EPB41L4A: variants seen among roughly 807,000 people sequenced by gnomAD.
EPB41L4A encodes erythrocyte membrane protein band 4.1 like 4A.
Under a neutral mutation model 108.6 loss-of-function variants are expected in EPB41L4A, and 100 were observed. The observed-to-expected ratio is 0.92, with a 90% CI of 0.78 to 1.09. EPB41L4A has a LOEUF of 1.09. EPB41L4A is among the 50% of genes least tolerant of loss of function. The pLI is 0.00. For missense variants in EPB41L4A, 1,030 were observed against 842.7 expected (o/e 1.22, Z -2.75); for synonymous variants, 319 against 289.0 (o/e 1.10, Z -1.05).
chr5:112,383,385 C>G (rs1375267761), intron 1 of EPB41L4A, among the ~76,000 whole-genome samples: 2 of 152,048 alleles, frequency 1.3e-5, no homozygotes, highest in Admixed American at 1.3e-4. Context: ...GCAGGATAAC[C>G]TTAAAAAGAT....
chr5:112,211,875 T>C (rs552824005), intron 12 of EPB41L4A, among the ~76,000 whole-genome samples: 2 of 152,296 alleles, frequency 1.3e-5, no homozygotes, highest in South Asian at 2.1e-4. Context: ...GTGTTCCTAT[T>C]TTGGAATCTT....
rs376149283 is a variant in EPB41L4A, at chr5:112,365,593, C to T, written c.99+53348G>A. On this transcript the variant is annotated intron_variant, in intron 1 of 22. Coordinates refer to ENST00000261486, the MANE Select transcript of EPB41L4A (RefSeq NM_022140.5). Reference sequence around the variant, plus strand: ...CCTCCTCTATTAATGTCTCACATTACCATGGTACGTTTGTTACAACTAAGG... The same window carrying T: ...CCTCCTCTATTAATGTCTCACATTATCATGGTACGTTTGTTACAACTAAGG... Among the ~76,000 whole-genome samples the T allele has an allele frequency of 3.8e-4, 58 of 152,276 alleles. 1 individual carries two copies. The South Asian group carries it at 0.011, about 29-fold the overall frequency.
At chr5:112,195,560 A>G (rs2416276) in intron 16 of EPB41L4A, 101 bp downstream of exon 16, 3 of 1,005,416 alleles carry the variant, frequency 3.0e-6, no homozygotes, top group Admixed American at 2.6e-5. Flanking sequence ...AGTAAAAAAA[A>G]TAAAAAAAAA....
chr5:112,379,323 T>C (rs1024476630), intron 1 of EPB41L4A, among the ~76,000 whole-genome samples: 1 of 152,140 alleles, frequency 6.6e-6, no homozygotes, highest in Non-Finnish European at 1.5e-5. Context: ...ACATCTAAAA[T>C]CCCTTCATTA....
chr5:112,335,020 A>G (rs1350016251), intron 1 of EPB41L4A, among the ~76,000 whole-genome samples: 3 of 152,198 alleles, frequency 2.0e-5, no homozygotes, highest in Non-Finnish European at 4.4e-5. Context: ...CCCGAAAGTC[A>G]TGTTCATTTT....
chr5:112,305,292 C>T (rs1357141092), intron 2 of EPB41L4A, among the ~76,000 whole-genome samples: 1 of 152,090 alleles, frequency 6.6e-6, no homozygotes, highest in Non-Finnish European at 1.5e-5. Context: ...CGGTGGTGCA[C>T]TGATGATGAT....
chr5:112,176,243 T>C (rs117901271), intron 18 of EPB41L4A, among the ~76,000 whole-genome samples: 1 of 152,196 alleles, frequency 6.6e-6, no homozygotes, highest in Admixed American at 6.5e-5. Flanking sequence ...AGATCCAGAA[T>C]GCAAACAACA....
At chr5:112,204,281 T>G in intron 15 of EPB41L4A, 94 bp downstream of exon 15, 2 of 733,190 alleles carry the variant, frequency 2.7e-6, no homozygotes, top group Non-Finnish European at 4.8e-6. Context: ...AGAGAAACAG[T>G]AATGTCGGTA....
intron 1 of EPB41L4A, among the ~76,000 whole-genome samples, chr5:112,356,892 T>A (rs1007503255): frequency 6.6e-6 from 1 of 152,228 alleles, no homozygotes; most frequent in Non-Finnish European, 1.5e-5. Flanking sequence ...AGTTGCTGCA[T>A]CTTGAACTGC....
At chr5:112,144,154 G>C (rs924208093) in intron 13 of EPB41L4A, among the ~76,000 whole-genome samples, 5 of 152,140 alleles carry the variant, frequency 3.3e-5, no homozygotes, top group African/African-American at 1.2e-4. Context: ...GGGAATATGA[G>C]GGAAATCAAC....
intron 1 of EPB41L4A, among the ~76,000 whole-genome samples, chr5:112,376,355 A>C (rs1209773697): frequency 6.6e-6 from 1 of 152,242 alleles, no homozygotes; most frequent in Admixed American, 6.5e-5. Flanking sequence ...AGGATGGCTA[A>C]AAATTTTTTT....
At position 112,419,266 on chromosome 5, in the gene EPB41L4A, G is replaced by C. The variant is rs1762927283; in HGVS notation, c.-227C>G. ...AGCGCCCGGGAGCCGCCGGGGAAGC[G>C]CCGGCGGAACTGGGCGCGGAGGGCG... On this transcript the variant is annotated 5_prime_UTR_variant, in exon 1 of 23. Coordinates refer to ENST00000261486, the MANE Select transcript of EPB41L4A (RefSeq NM_022140.5). 1 of 391,116 alleles carries C rather than the reference G, an allele frequency of 2.6e-6. No homozygotes were observed. Among genetic ancestry groups the C allele is most frequent in the Non-Finnish European group, 4.6e-6 (1 of 219,064 alleles). 24.2% of individuals were successfully genotyped at this position (391,116 alleles called of 1,614,324 possible).
At chr5:112,144,848 C>A (rs745457451) in intron 13 of EPB41L4A, among the ~76,000 whole-genome samples, 29 of 152,130 alleles carry the variant, frequency 1.9e-4, no homozygotes, top group Admixed American at 1.1e-3. Flanking sequence ...TGTGCCCATG[C>A]CCCACTTGAG....
In EPB41L4A at chr5:112,353,227, CTGTTGGCATGCTTG is replaced by C. The variant is rs559881599; in HGVS notation, c.100-45751_100-45738del. Among the ~76,000 whole-genome samples, 1,298 of 151,720 alleles carry C rather than the reference CTGTTGGCATGCTTG, an allele frequency of 8.6e-3. 14 individuals are homozygous for C. The highest frequency in any genetic ancestry group is 0.024 in the Middle Eastern group (7 of 294). On this transcript the variant is annotated intron_variant, in intron 1 of 22. Transcript: ENST00000261486. Reference sequence around the variant, plus strand: ...AGTGGCAGCAGTGAACCAAGCATGCCTGTTGGCATGCTTGAACCAAGCAGTGAACCAAGCATGTC... The same window carrying C: ...AGTGGCAGCAGTGAACCAAGCATGCCAACCAAGCAGTGAACCAAGCATGTC...
intron 2 of EPB41L4A, among the ~76,000 whole-genome samples, chr5:112,293,039 A>T (rs1753748367): frequency 6.6e-6 from 1 of 152,200 alleles, no homozygotes; most frequent in Non-Finnish European, 1.5e-5. Flanking sequence ...GCATTTATTG[A>T]TAAGAACACC....
chr5:112,368,132 T>C (rs1034590642), intron 1 of EPB41L4A, among the ~76,000 whole-genome samples: 3 of 152,214 alleles, frequency 2.0e-5, no homozygotes, highest in Non-Finnish European at 4.4e-5. Context: ...TCTCGTAGCT[T>C]TTAAGTCTTT....
At chr5:112,388,328 G>C (rs1291573527) in intron 1 of EPB41L4A, among the ~76,000 whole-genome samples, 1 of 152,194 alleles carries the variant, frequency 6.6e-6, no homozygotes, top group Admixed American at 6.5e-5. Flanking sequence ...GGTGAGGCAA[G>C]AGAGAAGGAA....
intron 2 of EPB41L4A, among the ~76,000 whole-genome samples, chr5:112,291,977 T>C (rs1472500988): frequency 1.3e-5 from 2 of 152,234 alleles, no homozygotes; most frequent in Non-Finnish European, 2.9e-5. Flanking sequence ...GAGCAGTGGC[T>C]CACACCTGTA....
chr5:112,400,439 C>T (rs564474445), intron 1 of EPB41L4A, among the ~76,000 whole-genome samples: 7 of 152,154 alleles, frequency 4.6e-5, no homozygotes, highest in Admixed American at 2.0e-4. Context: ...AGTACAAGCA[C>T]GGCACAGCAT....
Sources: allele counts gnomAD v4.1 joint callset (sites outside exome capture counted in the v4.1 genomes callset), GRCh38; gene constraint gnomAD v4.1.1; transcripts MANE v1.5; gene names NCBI Gene and HGNC (gene_info 2026-07-23, HGNC 2026-07-21).